Variants in CAST observed in about 807,000 individuals in gnomAD.
CAST encodes the protein calpastatin, also known as MIR583 host.
In CAST, 76 loss-of-function variants were observed where a neutral mutation model predicts 119.6. The observed-to-expected ratio is 0.64, with a 90% confidence interval of 0.53 to 0.77. The LOEUF is 0.77. CAST is among the 30% of genes least tolerant of loss of function. The probability of loss-of-function intolerance (pLI) is 0.00; values close to 1 mark genes in which losing one functional copy is unlikely to be tolerated. For synonymous variants in CAST, 319 were observed against 331.6 expected (o/e 0.96, Z 0.41); for missense variants, 953 against 946.5 (o/e 1.01, Z -0.09).
At chr5:96,079,468 A>G in the CAST span, among the ~76,000 whole-genome samples, 267 of 152,346 alleles carry the variant, frequency 1.8e-3, 1 homozygote, top group African/African-American at 6.1e-3. Context: ...GGTTGAAGAG[A>G]TATCTTGGGA....
At chr5:96,487,393 T>C in the CAST span, among the ~76,000 whole-genome samples, 2 of 152,352 alleles carry the variant, frequency 1.3e-5, no homozygotes, top group Non-Finnish European at 2.9e-5. Context: ...AAAATCACTA[T>C]TTCGGAATCC....
At chr5:96,665,937 A>C (rs1226747005) in intron 1 of CAST, among the ~76,000 whole-genome samples, 2 of 152,352 alleles carry the variant, frequency 1.3e-5, no homozygotes, top group East Asian at 3.9e-4. Context: ...TAATACATAT[A>C]TAGACAGATT....
At chr5:96,520,013 A>G in the CAST span, among the ~76,000 whole-genome samples, 1 of 152,030 alleles carries the variant, frequency 6.6e-6, no homozygotes, top group South Asian at 2.1e-4. Context: ...CCCTTTTTGG[A>G]AAAAAGTTGT....
rs552761204 is a variant in CAST at position 96,718,495 on chromosome 5, G to A, written c.211-4144G>A. 3.6e-4 allele frequency among the ~76,000 whole-genome samples: 55 copies of A among 152,000 alleles called. 1 individual carries two copies. Among genetic ancestry groups the A allele is most frequent in the Admixed American group, 2.7e-3 (41 of 15,278 alleles). The stretch of plus-strand genomic sequence containing the variant: ...TCTGTCCACCAAACCCCCATGACAC[G>A]CAGTTTACCTGTTTAACAAACTTAC... On this transcript the variant is annotated intron_variant, in intron 3 of 31. Transcript: ENST00000675179.
At chr5:96,628,180 A>G (rs1747759342) in intron 1 of CAST, among the ~76,000 whole-genome samples, 1 of 152,258 alleles carries the variant, frequency 6.6e-6, no homozygotes, top group African/African-American at 2.4e-5. Flanking sequence ...TTGTAATGGC[A>G]TGCATGGAAA....
chr5:96,380,906 G>T, the CAST span, among the ~76,000 whole-genome samples: 1 of 152,110 alleles, frequency 6.6e-6, no homozygotes, highest in African/African-American at 2.4e-5. Flanking sequence ...TAGACCAATA[G>T]ATTTTAATTT....
chr5:96,355,256 C>T, the CAST span, among the ~76,000 whole-genome samples: 1 of 151,914 alleles, frequency 6.6e-6, no homozygotes, highest in Non-Finnish European at 1.5e-5. Flanking sequence ...GTTCAACTCC[C>T]ACTTGTGAGT....
intron 1 of CAST, among the ~76,000 whole-genome samples, chr5:96,634,372 C>T (rs773468391): frequency 6.6e-6 from 1 of 152,168 alleles, no homozygotes; most frequent in Non-Finnish European, 1.5e-5. Context: ...TGTGAAGATT[C>T]TATGAAATTA....
At chr5:96,144,254 A>G in the CAST span, among the ~76,000 whole-genome samples, 7 of 152,362 alleles carry the variant, frequency 4.6e-5, no homozygotes, top group Admixed American at 2.0e-4. Context: ...GCTTCTATGT[A>G]CATATAGAAT....
chr5:96,575,139 T>C (rs1413255416), intron 1 of CAST, among the ~76,000 whole-genome samples: 1 of 152,152 alleles, frequency 6.6e-6, no homozygotes, highest in Non-Finnish European at 1.5e-5. Flanking sequence ...TTTTGTCAAA[T>C]GTATATTTAA....
the CAST span, among the ~76,000 whole-genome samples, chr5:96,280,631 A>C: frequency 6.6e-6 from 1 of 152,234 alleles, no homozygotes; most frequent in Admixed American, 6.5e-5. Context: ...AAATGGTAAC[A>C]CTAGTTACTC....
the CAST span, among the ~76,000 whole-genome samples, chr5:95,980,821 C>T: frequency 6.6e-6 from 1 of 152,108 alleles, no homozygotes; most frequent in South Asian, 2.1e-4. Flanking sequence ...CCATGCAATC[C>T]CATGGTGGCT....
At chr5:96,006,993 A>G in the CAST span, among the ~76,000 whole-genome samples, 4 of 152,186 alleles carry the variant, frequency 2.6e-5, no homozygotes, top group African/African-American at 7.2e-5. Context: ...ATAATAACCT[A>G]TAATTTTATT....
the CAST span, among the ~76,000 whole-genome samples, chr5:96,045,807 C>T: frequency 5.3e-5 from 8 of 151,976 alleles, no homozygotes; most frequent in African/African-American, 1.9e-4. Flanking sequence ...TGTCCTATTG[C>T]CTCTTATTTT....
At chr5:96,451,034 C>T in the CAST span, among the ~76,000 whole-genome samples, 1 of 152,204 alleles carries the variant, frequency 6.6e-6, no homozygotes. Flanking sequence ...ACATTCTGCC[C>T]ATCCACCAAG....
the CAST span, among the ~76,000 whole-genome samples, chr5:96,100,681 T>G: frequency 4.6e-5 from 7 of 152,200 alleles, no homozygotes; most frequent in Non-Finnish European, 8.8e-5. Context: ...TTTCTTCATC[T>G]GTAAGGCAAA....
At chr5:96,592,713 C>T (rs752301332) in intron 1 of CAST, among the ~76,000 whole-genome samples, 14 of 151,976 alleles carry the variant, frequency 9.2e-5, no homozygotes, top group Non-Finnish European at 5.9e-5. Context: ...CTCGTAGCTT[C>T]CTGGATTGTT....
the CAST span, among the ~76,000 whole-genome samples, chr5:96,401,086 CAAAAAAAAAA>C: frequency 1.2e-3 from 82 of 70,574 alleles, 1 homozygote; most frequent in Admixed American, 1.5e-3. Context: ...GACTCCGTCT[CAAAAAAAAAA>C]AAAAAAAAAA....
chr5:96,430,360 C>T, the CAST span, among the ~76,000 whole-genome samples: 257 of 152,230 alleles, frequency 1.7e-3, 3 homozygotes, highest in South Asian at 0.016. Context: ...ACAGAAGAAA[C>T]GTGTTCTTTA....
Sources: gnomAD v4.1 joint callset for allele counts (sites outside exome capture counted in the v4.1 genomes callset) on GRCh38, gnomAD v4.1.1 for gene constraint, MANE v1.5 for transcripts, NCBI Gene and HGNC (gene_info 2026-07-23, HGNC 2026-07-21) for gene names.